Variants in REPS1 observed in about 807,000 individuals in gnomAD.
REPS1 encodes RALBP1 associated Eps domain containing 1.
A neutral mutation model predicts 100.9 loss-of-function variants in REPS1; 39 were observed. That is an observed-to-expected ratio of 0.39 (90% confidence interval 0.30 to 0.50). The LOEUF (loss-of-function observed/expected upper bound fraction) is 0.50. Ranked by LOEUF, REPS1 falls within the 20% of genes least tolerant of loss-of-function variation. REPS1 has a pLI of 0.86. For synonymous variants in REPS1, 324 were observed against 340.3 expected (o/e 0.95, Z 0.53); for missense variants, 821 against 968.5 (o/e 0.85, Z 2.02).
intron 1 of REPS1, among the ~76,000 whole-genome samples, chr6:138,954,919 C>A (rs1358047243): frequency 6.6e-6 from 1 of 152,118 alleles, no homozygotes; most frequent in Non-Finnish European, 1.5e-5. Context: ...GGTCACTGTA[C>A]ATTATTTTTT....
chr6:138,976,313 T>C (rs779353505), intron 1 of REPS1, among the ~76,000 whole-genome samples: 2 of 152,210 alleles, frequency 1.3e-5, no homozygotes, highest in Non-Finnish European at 2.9e-5. Context: ...CAATTTTTTT[T>C]TCTCCACAGG....
In REPS1 at chr6:138,988,231, G is replaced by A. The variant is rs985459487; in HGVS notation, c.-549C>T. ...ATTTACAGTGCCCCGGCCCGGCCCC[G>A]ACGCGCCCGCACCAACAGTGACAGC... On this transcript the variant is annotated 5_prime_UTR_variant, in exon 1 of 20. Transcript: ENST00000450536. 1.0e-5 allele frequency: 4 copies of A among 398,330 alleles called. No individual in the cohort carries two copies. Among genetic ancestry groups the A allele is most frequent in the South Asian group, 2.5e-4 (2 of 7,846 alleles). The allele number at this position is 398,330 out of a possible 1,614,324, so 24.7% of individuals were successfully genotyped here.
intron 8 of REPS1, 50 bp downstream of exon 8, chr6:138,941,285 A>G (rs1782231069): frequency 6.3e-7 from 1 of 1,586,698 alleles, no homozygotes; most frequent in African/African-American, 1.3e-5. Flanking sequence ...AGAATCAAGC[A>G]TTATGTTTAT....
In REPS1 at chr6:138,947,894, G is replaced by C. The variant is rs1389258697; in HGVS notation, c.173C>G (p.Ala58Gly). Reference sequence around the variant, plus strand: ...TCTTCCAAAATAACCAAGTCTTGTTGCACCACAAAGCTCCATGATCTATAA... The same window carrying C: ...TCTTCCAAAATAACCAAGTCTTGTTCCACCACAAAGCTCCATGATCTATAA... ...VVLQIMELCG[A>G]TRLGYFGRSQ... Residue 58 changes from alanine (A) to glycine (G), a missense_variant, in exon 2 of 20, where the codon GCA becomes GGA. By Grantham distance (60) the Ala-to-Gly change is moderately conservative. This residue lies in a region of REPS1 where 28 missense variants were observed against 65.3 expected (regional missense o/e 0.43). Coordinates refer to ENST00000450536, the MANE Select transcript of REPS1 (RefSeq NM_001286611.2). 1 of 1,602,830 alleles carries C rather than the reference G, an allele frequency of 6.2e-7. No individual in the cohort carries two copies. Among genetic ancestry groups the C allele is most frequent in the East Asian group, 2.2e-5 (1 of 44,730 alleles).
At chr6:138,966,910 ATGGTT>A (rs1163759492) in intron 1 of REPS1, among the ~76,000 whole-genome samples, 6 of 152,244 alleles carry the variant, frequency 3.9e-5, no homozygotes, top group African/African-American at 1.4e-4. Context: ...AACATCTGCT[ATGGTT>A]TGAAGATACG....
In REPS1 at chr6:138,904,933, C is replaced by T; in HGVS notation, c.*131G>A. On this transcript the variant is annotated 3_prime_UTR_variant, in exon 20 of 20. Coordinates refer to ENST00000450536, the MANE Select transcript of REPS1 (RefSeq NM_001286611.2). ...AAAGATACTTAAATACAACGGTGAA[C>T]ATATAGGGCAAAACAGAATCATAAA... 4.5e-6 allele frequency: 3 copies of T among 668,458 alleles called. No individual in the cohort carries two copies. Among genetic ancestry groups the T allele is most frequent in the South Asian group, 2.0e-5 (1 of 50,440 alleles). The allele number at this position is 668,458 out of a possible 1,614,324, so 41.4% of individuals were successfully genotyped here. A position where few individuals can be genotyped will look rare whatever the true frequency, so the allele number is the denominator to read the frequency against.
chr6:138,943,652 CTTTT>C, intron 6 of REPS1, 76 bp from the exon 7 acceptor site: 1 of 1,162,482 alleles, frequency 8.6e-7, no homozygotes, highest in Non-Finnish European at 1.2e-6. Flanking sequence ...GAGTCTTAGA[CTTTT>C]TTAACTGGGA....
At chr6:138,937,531 T>C (rs1200353405) in intron 8 of REPS1, among the ~76,000 whole-genome samples, 1 of 152,130 alleles carries the variant, frequency 6.6e-6, no homozygotes, top group East Asian at 1.9e-4. Flanking sequence ...TAAAAAAAAT[T>C]CGTGTTGGAA....
chr6:138,953,303 A>G (rs978397569), intron 1 of REPS1, among the ~76,000 whole-genome samples: 19 of 152,202 alleles, frequency 1.2e-4, no homozygotes. Context: ...TATAAATAAG[A>G]TCTCAAAAGC....
At chr6:138,967,838 G>A (rs1784105255) in intron 1 of REPS1, among the ~76,000 whole-genome samples, 1 of 152,040 alleles carries the variant, frequency 6.6e-6, no homozygotes, top group Non-Finnish European at 1.5e-5. Context: ...GCTGTTCCTG[G>A]TACTTTATGA....
chr6:138,967,363 G>C (rs1330628612), intron 1 of REPS1, among the ~76,000 whole-genome samples: 1 of 152,126 alleles, frequency 6.6e-6, no homozygotes, highest in Non-Finnish European at 1.5e-5. Context: ...TTAGATATGT[G>C]ACTCCTTTGA....
intron 10 of REPS1, among the ~76,000 whole-genome samples, chr6:138,925,606 C>G (rs1781063823): frequency 6.6e-6 from 1 of 151,064 alleles, no homozygotes; most frequent in South Asian, 2.1e-4. Context: ...TCTTCACTTT[C>G]TGCTTACTCC....
At chr6:138,956,652 A>G (rs138782577) in intron 1 of REPS1, among the ~76,000 whole-genome samples, 1 of 152,290 alleles carries the variant, frequency 6.6e-6, no homozygotes, top group African/African-American at 2.4e-5. Context: ...TTAAGAAGCT[A>G]TTCCCTGCCC....
intron 10 of REPS1, among the ~76,000 whole-genome samples, chr6:138,923,898 T>A (rs1780937637): frequency 6.6e-6 from 1 of 151,510 alleles, no homozygotes; most frequent in African/African-American, 2.4e-5. Context: ...AAATGTTAAA[T>A]TCATAATAGA....
At chr6:138,933,280 G>A (rs1224942135) in intron 8 of REPS1, among the ~76,000 whole-genome samples, 1 of 152,096 alleles carries the variant, frequency 6.6e-6, no homozygotes, top group Non-Finnish European at 1.5e-5. Flanking sequence ...AACTATTTTA[G>A]GTTTTGTGGC....
At chr6:138,955,469 T>A (rs990662986) in intron 1 of REPS1, among the ~76,000 whole-genome samples, 5 of 145,806 alleles carry the variant, frequency 3.4e-5, no homozygotes, top group African/African-American at 1.0e-4. Context: ...TGTGTGTGTG[T>A]GTGTGTGTGT....
chr6:138,937,302 T>A (rs1431860956), intron 8 of REPS1, among the ~76,000 whole-genome samples: 1 of 152,106 alleles, frequency 6.6e-6, no homozygotes, highest in Non-Finnish European at 1.5e-5. Flanking sequence ...TCCAACATTA[T>A]AAGAAAAAAA....
At chr6:138,947,642 T>C in intron 2 of REPS1, 148 bp downstream of exon 2, 1 of 596,202 alleles carries the variant, frequency 1.7e-6, no homozygotes, top group Non-Finnish European at 2.7e-6. Flanking sequence ...AAGTGAGAAA[T>C]GCAAGGTAGT....
intron 1 of REPS1, among the ~76,000 whole-genome samples, chr6:138,955,456 A>AGTG (rs1562552291): frequency 4.5e-3 from 210 of 46,852 alleles, no homozygotes; most frequent in African/African-American, 0.027. Flanking sequence ...AAAAAAAAAA[A>AGTG]AGTGTGTGTG....
Sources: gnomAD v4.1 joint callset for allele counts (sites outside exome capture counted in the v4.1 genomes callset) on GRCh38, gnomAD v4.1.1 for gene constraint, gnomAD v4.1.1 regional missense constraint, MANE v1.5 for transcripts, NCBI Gene and HGNC (gene_info 2026-07-23, HGNC 2026-07-21) for gene names.